RUNDC3B: variants seen among roughly 807,000 people sequenced by gnomAD.
The protein encoded by RUNDC3B is RUN domain containing 3B, also known as RUN domain-containing protein 3B.
Under a neutral mutation model 58.4 loss-of-function variants are expected in RUNDC3B, and 33 were observed. That is an observed-to-expected ratio of 0.56 (90% CI 0.43 to 0.75). The LOEUF is 0.75. RUNDC3B is among the 30% of genes least tolerant of loss of function. The pLI is 0.00. For synonymous variants in RUNDC3B, 193 were observed against 195.2 expected (o/e 0.99, Z 0.10); for missense variants, 501 against 535.7 (o/e 0.94, Z 0.64).
rs1834160083 is a variant in RUNDC3B at position 87,769,585 on chromosome 7, A to C, written c.630-996A>C. Among the ~76,000 whole-genome samples, 4 of 151,912 alleles carry C rather than the reference A, an allele frequency of 2.6e-5. 1 individual carries two copies. In the South Asian group the frequency reaches 8.3e-4, roughly 32 times the overall value. ...TTTTTAATATAATTGCTCATATTTA[A>C]AATTTTATTTTTCCATGTTTATTTT... On this transcript the variant is annotated intron_variant, in intron 6 of 10. Coordinates refer to ENST00000394654, the MANE Select transcript of RUNDC3B (RefSeq NM_001134405.2).
intron 8 of RUNDC3B, among the ~76,000 whole-genome samples, chr7:87,785,393 CT>C (rs375295829): frequency 1.8e-4 from 28 of 152,244 alleles, no homozygotes; most frequent in African/African-American, 6.3e-4. Flanking sequence ...TCCCTCCTCA[CT>C]AGAGCTGTAA....
intron 6 of RUNDC3B, among the ~76,000 whole-genome samples, chr7:87,754,231 C>T (rs916230837): frequency 2.6e-5 from 4 of 152,134 alleles, no homozygotes; most frequent in Admixed American, 2.6e-4. Flanking sequence ...CAAAATCATA[C>T]CAAACACACT....
At chr7:87,769,403 G>A (rs879716787) in intron 6 of RUNDC3B, among the ~76,000 whole-genome samples, 1 of 151,762 alleles carries the variant, frequency 6.6e-6, no homozygotes, top group Non-Finnish European at 1.5e-5. Flanking sequence ...TTTGTACTAG[G>A]GTTTATTTCT....
chr7:87,752,152 T>G (rs559557139), intron 6 of RUNDC3B, among the ~76,000 whole-genome samples: 9 of 152,178 alleles, frequency 5.9e-5, no homozygotes, highest in Non-Finnish European at 1.2e-4. Flanking sequence ...TTTGTCTTTG[T>G]TTCTGTTTAT....
chr7:87,820,526 T>G (rs1837358841), intron 10 of RUNDC3B, among the ~76,000 whole-genome samples: 1 of 152,188 alleles, frequency 6.6e-6, no homozygotes, highest in East Asian at 1.9e-4. Flanking sequence ...GAATCCTCCC[T>G]AACTCATTTT....
intron 1 of RUNDC3B, among the ~76,000 whole-genome samples, chr7:87,644,902 A>C (rs952508794): frequency 6.6e-6 from 1 of 151,930 alleles, no homozygotes; most frequent in African/African-American, 2.4e-5. Flanking sequence ...AGTTATTTTT[A>C]ATTATAATTA....
intron 4 of RUNDC3B, among the ~76,000 whole-genome samples, chr7:87,726,022 G>A (rs898883526): frequency 4.6e-5 from 7 of 151,846 alleles, no homozygotes; most frequent in African/African-American, 1.2e-4. Context: ...TTGCAAAAAT[G>A]TTCTCCCATT....
intron 2 of RUNDC3B, among the ~76,000 whole-genome samples, chr7:87,699,155 C>T (rs767428937): frequency 2.0e-5 from 3 of 152,056 alleles, no homozygotes; most frequent in Non-Finnish European, 4.4e-5. Context: ...GACAAGAACA[C>T]TTCTTGATGT....
chr7:87,743,401 C>T (rs1388366873), intron 6 of RUNDC3B, among the ~76,000 whole-genome samples: 1 of 152,168 alleles, frequency 6.6e-6, no homozygotes, highest in African/African-American at 2.4e-5. Flanking sequence ...TGCTGTTTTC[C>T]ATAGTGGCTG....
intron 1 of RUNDC3B, among the ~76,000 whole-genome samples, chr7:87,644,630 A>G (rs1048291693): frequency 6.6e-6 from 1 of 152,204 alleles, no homozygotes; most frequent in African/African-American, 2.4e-5. Context: ...AACATGGTAT[A>G]GATAAGAAGA....
intron 10 of RUNDC3B, among the ~76,000 whole-genome samples, chr7:87,824,945 A>G (rs1837716339): frequency 6.6e-6 from 1 of 152,230 alleles, no homozygotes; most frequent in Non-Finnish European, 1.5e-5. Context: ...GTGCTGTTAA[A>G]GGCATTCAAT....
chr7:87,709,185 G>A (rs1829856797), intron 3 of RUNDC3B: 1 of 918,976 alleles, frequency 1.1e-6, no homozygotes, highest in Non-Finnish European at 1.3e-6. Flanking sequence ...TGTATGGATT[G>A]AAATTAATAA....
intron 2 of RUNDC3B, among the ~76,000 whole-genome samples, chr7:87,660,305 G>C (rs1563111297): frequency 6.6e-6 from 1 of 151,976 alleles, no homozygotes; most frequent in Non-Finnish European, 1.5e-5. Context: ...TATTCAGGTT[G>C]TTGATTTCTT....
At chr7:87,766,725 G>A (rs1833998341) in intron 6 of RUNDC3B, among the ~76,000 whole-genome samples, 1 of 151,896 alleles carries the variant, frequency 6.6e-6, no homozygotes, top group African/African-American at 2.4e-5. Context: ...TGCCTTGGTG[G>A]TGTTGATTTT....
chr7:87,689,179 T>A (rs944637438), intron 2 of RUNDC3B, among the ~76,000 whole-genome samples: 1 of 151,810 alleles, frequency 6.6e-6, no homozygotes, highest in Non-Finnish European at 1.5e-5. Context: ...TATCTGAGAT[T>A]TTTTTGAATG....
chr7:87,748,766 A>G (rs1306394811), intron 6 of RUNDC3B, among the ~76,000 whole-genome samples: 9 of 152,200 alleles, frequency 5.9e-5, no homozygotes, highest in Non-Finnish European at 1.0e-4. Flanking sequence ...TAGTAAGAGA[A>G]GTCACTAATA....
intron 4 of RUNDC3B, among the ~76,000 whole-genome samples, chr7:87,726,030 A>T (rs367876681): frequency 1.3e-5 from 2 of 152,154 alleles, no homozygotes; most frequent in East Asian, 1.9e-4. Context: ...ATGTTCTCCC[A>T]TTCTGTAGGT....
intron 3 of RUNDC3B, chr7:87,709,216 C>G (rs547553699): frequency 3.0e-6 from 3 of 983,854 alleles, no homozygotes; most frequent in Admixed American, 1.2e-4. Flanking sequence ...AAGATTTTCC[C>G]TACATTTCTT....
intron 1 of RUNDC3B, among the ~76,000 whole-genome samples, chr7:87,649,904 G>A (rs990692599): frequency 1.9e-4 from 29 of 152,166 alleles, no homozygotes; most frequent in Middle Eastern, 3.2e-3. Context: ...GTGCTGCCAT[G>A]TAAGACAACC....
Sources: allele counts gnomAD v4.1 joint callset (sites outside exome capture counted in the v4.1 genomes callset), GRCh38; gene constraint gnomAD v4.1.1; transcripts MANE v1.5; gene names NCBI Gene and HGNC (gene_info 2026-07-23, HGNC 2026-07-21).